Variants in SSUH2 observed in about 807,000 individuals in gnomAD.
SSUH2 encodes protein SSUH2 homolog.
A neutral mutation model predicts 55.3 loss-of-function variants in SSUH2; 47 were observed. That is an observed-to-expected ratio of 0.85 (90% CI 0.67 to 1.08). The LOEUF (loss-of-function observed/expected upper bound fraction) is 1.08. SSUH2 is among the 50% of genes least tolerant of loss of function. The pLI is 0.00. For synonymous variants in SSUH2, 212 were observed against 191.5 expected, an observed-to-expected ratio of 1.11 and a Z score of -0.89; for missense variants, 535 against 490.7, an observed-to-expected ratio of 1.09 and a Z score of -0.85.
intron 5 of SSUH2, among the ~76,000 whole-genome samples, chr3:8,669,940 G>T (rs1472379723): frequency 6.6e-6 from 1 of 152,194 alleles, no homozygotes; most frequent in Non-Finnish European, 1.5e-5. Flanking sequence ...GGAAAAACTG[G>T]TGACATCTGA....
At position 8,627,689 on chromosome 3, in the gene SSUH2, T is replaced by C. The variant is rs2125126019; in HGVS notation, c.674+9A>G. ...GCACTTCACCGCGGTGCTGGGGAGATGCCCCTACCTTCGCCTGCCGGACCC... is the reference window on the plus strand; with the variant it reads ...GCACTTCACCGCGGTGCTGGGGAGACGCCCCTACCTTCGCCTGCCGGACCC... On this transcript the variant is annotated intron_variant, in intron 8 of 11. Transcript: ENST00000544814. The C allele has an allele frequency of 3.2e-6, 5 of 1,565,836 alleles. No homozygotes were observed. Among genetic ancestry groups the C allele is most frequent in the South Asian group, 1.2e-5 (1 of 84,506 alleles).
upstream of SSUH2, chr3:8,644,850 A>G (rs1436113617): frequency 3.7e-6 from 4 of 1,071,868 alleles, no homozygotes; most frequent in Non-Finnish European, 5.5e-6. Flanking sequence ...CTCCCAGAAC[A>G]GCAGGCCCAT....
At chr3:8,672,630 C>CTCCCT (rs1443544366) in intron 3 of SSUH2, among the ~76,000 whole-genome samples, 1 of 152,114 alleles carries the variant, frequency 6.6e-6, no homozygotes, top group Non-Finnish European at 1.5e-5. Context: ...ATATCGTCCT[C>CTCCCT]TCCCTTCCTG....
rs748366104 is a variant in SSUH2, at chr3:8,633,735, C to T, written c.270G>A (p.Lys90=). Residue 90 remains lysine (K), a synonymous_variant, in exon 4 of 12, where the codon AAG becomes AAA. Coordinates refer to ENST00000544814, the MANE Select transcript of SSUH2 (RefSeq NM_001256748.3). ...CAGCCACCGTGCTGCTGTAGCAGCA[C>T]TTAGAGTCCACAAAGCTGAGGAGGG... is the stretch of plus-strand genomic sequence containing the variant. ...REALLSFVDS[K]CCYSSTVAGD... The T allele has an allele frequency of 1.3e-6, 2 of 1,599,738 alleles. No individual in the cohort carries two copies. The highest frequency in any genetic ancestry group is 3.4e-5 in the Admixed American group (2 of 58,678).
At position 8,633,781 on chromosome 3, in the gene SSUH2, G is replaced by C; in HGVS notation, c.224C>G (p.Thr75Arg). 1.2e-6 allele frequency: 2 copies of C among 1,612,476 alleles called. No individual in the cohort carries two copies. Among genetic ancestry groups the C allele is most frequent in the Non-Finnish European group, 1.7e-6 (2 of 1,179,070 alleles). The change falls in exon 4 of 12, where the codon ACG becomes AGG. Residue 75 changes from threonine to arginine, a missense_variant. Coordinates refer to ENST00000544814, the MANE Select transcript of SSUH2 (RefSeq NM_001256748.3). Reference sequence around the variant, plus strand: ...GAGGGCTTCCCGGGCCACCTCCTCCGTCATCGCAGGGACTCTGCAGGGGAC... The same window carrying C: ...GAGGGCTTCCCGGGCCACCTCCTCCCTCATCGCAGGGACTCTGCAGGGGAC... ...SFLEHRVPAMTEEVAREALLS... is the reference protein window; with the variant it reads ...SFLEHRVPAMREEVAREALLS...
At chr3:8,662,634 C>T (rs1703608902) in intron 6 of SSUH2, among the ~76,000 whole-genome samples, 1 of 152,198 alleles carries the variant, frequency 6.6e-6, no homozygotes, top group African/African-American at 2.4e-5. Flanking sequence ...AGGCTGAGCA[C>T]CTAGACCAGA....
At chr3:8,681,705 C>T (rs1157283321) in intron 1 of SSUH2, among the ~76,000 whole-genome samples, 1 of 150,944 alleles carries the variant, frequency 6.6e-6, no homozygotes, top group Non-Finnish European at 1.5e-5. Flanking sequence ...GGACCCCCAT[C>T]GCAGCGGGGG....
intron 1 of SSUH2, chr3:8,639,921 T>G (rs1700558146): frequency 1.0e-6 from 1 of 974,834 alleles, no homozygotes; most frequent in South Asian, 4.7e-5. Flanking sequence ...CAGGCACACG[T>G]AAGTGTTAGG....
At chr3:8,672,340 C>T (rs904146399) in intron 3 of SSUH2, among the ~76,000 whole-genome samples, 9 of 152,034 alleles carry the variant, frequency 5.9e-5, no homozygotes, top group Non-Finnish European at 1.2e-4. Context: ...CCGCCCTGCA[C>T]ATTACAAAAA....
intron 3 of SSUH2, among the ~76,000 whole-genome samples, chr3:8,674,607 C>T (rs576990911): frequency 1.3e-5 from 2 of 152,138 alleles, no homozygotes; most frequent in Non-Finnish European, 2.9e-5. Context: ...CTGCTTGCCT[C>T]GGACTTGTAC....
intron 2 of SSUH2, among the ~76,000 whole-genome samples, chr3:8,678,457 T>TC (rs939713434): frequency 2.7e-5 from 4 of 150,676 alleles, no homozygotes; most frequent in Admixed American, 6.6e-5. Context: ...TCCGCCTCTA[T>TC]CCCCCCCTGG....
At chr3:8,632,315 G>A (rs573988593) in intron 4 of SSUH2, among the ~76,000 whole-genome samples, 11 of 152,260 alleles carry the variant, frequency 7.2e-5, no homozygotes, top group Non-Finnish European at 1.5e-4. Context: ...CCAGCCCCAG[G>A]AAATCTCCCC....
intron 7 of SSUH2, among the ~76,000 whole-genome samples, chr3:8,655,405 C>T (rs1277679697): frequency 7.1e-6 from 1 of 141,546 alleles, no homozygotes; most frequent in Non-Finnish European, 1.5e-5. Context: ...TGGCCTCATC[C>T]CCCGGGTCTC....
upstream of SSUH2, among the ~76,000 whole-genome samples, chr3:8,649,169 C>T (rs1222947095): frequency 6.6e-6 from 1 of 152,202 alleles, no homozygotes; most frequent in Non-Finnish European, 1.5e-5. Context: ...AAGAGCACCC[C>T]CAGCTAACTT....
intron 7 of SSUH2, 49 bp from the exon 8 acceptor site, chr3:8,627,832 G>A (rs1697918375): frequency 6.5e-7 from 1 of 1,544,020 alleles, no homozygotes; most frequent in Non-Finnish European, 8.8e-7. Context: ...CAGGAAGCAG[G>A]GCCAACGGCA....
chr3:8,640,457 G>T (rs955600577), intron 1 of SSUH2, among the ~76,000 whole-genome samples: 3 of 152,106 alleles, frequency 2.0e-5, no homozygotes, highest in Admixed American at 2.0e-4. Context: ...CCTGAATTTG[G>T]CAGGTAAGGT....
chr3:8,678,456 A>C (rs1705600219), intron 2 of SSUH2, among the ~76,000 whole-genome samples: 2 of 150,110 alleles, frequency 1.3e-5, no homozygotes, highest in Admixed American at 6.6e-5. Flanking sequence ...CTCCGCCTCT[A>C]TCCCCCCCTG....
At chr3:8,679,523 G>C (rs1165286094) in intron 2 of SSUH2, among the ~76,000 whole-genome samples, 2 of 144,754 alleles carry the variant, frequency 1.4e-5, no homozygotes, top group African/African-American at 5.2e-5. Context: ...CCTCATCGCA[G>C]GTAGGGGAGG....
chr3:8,680,225 G>A (rs911496922), intron 1 of SSUH2, among the ~76,000 whole-genome samples: 5 of 152,170 alleles, frequency 3.3e-5, no homozygotes, highest in Non-Finnish European at 7.4e-5. Context: ...GGCAGCAACT[G>A]CCCTGCTAGT....
Sources: gnomAD v4.1 joint callset for allele counts (sites outside exome capture counted in the v4.1 genomes callset) on GRCh38, gnomAD v4.1.1 for gene constraint, MANE v1.5 for transcripts, NCBI Gene and HGNC (gene_info 2026-07-23, HGNC 2026-07-21) for gene names.